The following RAB13 variants were observed in gnomAD, a reference collection of about 807,000 sequenced individuals.
RAB13 encodes the protein ras-related protein Rab-13.
Under a neutral mutation model 29.3 loss-of-function variants are expected in RAB13, and 15 were observed. The ratio of observed to expected loss-of-function variants is 0.51; its 90% CI spans 0.34 to 0.79. The LOEUF is 0.79. Among genes scored for constraint, RAB13 ranks in the 30% least tolerant of loss-of-function variants. RAB13 has a pLI of 0.01. For synonymous variants in RAB13, 82 were observed against 93.8 expected (o/e 0.87, Z 0.73); for missense variants, 186 against 255.5 (o/e 0.73, Z 1.85).
intron 5 of RAB13, 34 bp downstream of exon 5, chr1:153,982,685 C>A (rs1649025313): frequency 1.2e-6 from 2 of 1,613,384 alleles, no homozygotes; most frequent in Non-Finnish European, 1.7e-6. Flanking sequence ...CCCTCCCAGC[C>A]CAGTTCTAGA....
intron 2 of RAB13, among the ~76,000 whole-genome samples, chr1:153,984,108 C>T (rs1203047121): frequency 1.4e-5 from 2 of 138,262 alleles, no homozygotes; most frequent in African/African-American, 5.5e-5. Context: ...ACCCAGGAGG[C>T]GGAGGTTAAA....
At chr1:153,984,666 A>T (rs1649103098) in intron 2 of RAB13, 55 bp downstream of exon 2, 1 of 1,464,552 alleles carries the variant, frequency 6.8e-7, no homozygotes, top group African/African-American at 1.4e-5. Flanking sequence ...AGAAGGAAAA[A>T]CGTGTAGGAG....
chr1:153,990,390 A>G (rs562284355), upstream of RAB13, among the ~76,000 whole-genome samples: 12 of 152,332 alleles, frequency 7.9e-5, no homozygotes, highest in South Asian at 1.4e-3. Context: ...AAACCAATAG[A>G]AAAAGAGTTA....
rs1557891641 is a variant in RAB13, at chr1:153,982,438, T to G, written c.487A>C (p.Ser163Arg). 6.2e-7 allele frequency: 1 copy of G among 1,613,734 alleles called. No homozygotes were observed. The highest frequency in any genetic ancestry group is 2.2e-5 in the East Asian group (1 of 44,874). ...AGCAAGATGTCCCGGGCCAGGGAAC[T>G]AAAAGCCTAAAGTGGGGAACAGAGT... is the stretch of plus-strand genomic sequence containing the variant. ...KSSMNVDEAF[S>R]SLARDILLKS... The change falls in exon 7 of 8, where the codon AGT becomes CGT. Residue 163 changes from serine to arginine, a missense_variant. Ser to Arg is a moderately radical substitution (Grantham distance 110). Coordinates refer to ENST00000368575, the MANE Select transcript of RAB13 (RefSeq NM_002870.5).
At chr1:153,985,657 G>A (rs1452347181) in intron 1 of RAB13, among the ~76,000 whole-genome samples, 2 of 152,180 alleles carry the variant, frequency 1.3e-5, no homozygotes, top group African/African-American at 4.8e-5. Context: ...AGGGAACCTG[G>A]GAAGTAGATG....
chr1:153,987,996 A>AT (rs1265016359), upstream of RAB13, among the ~76,000 whole-genome samples: 2 of 151,454 alleles, frequency 1.3e-5, no homozygotes, highest in African/African-American at 2.4e-5. Flanking sequence ...TAATTAATTA[A>AT]TTTTTTTGAG....
rs762397229 is a variant in RAB13 at position 153,982,114 on chromosome 1, C to T, written c.597G>A (p.Lys199=). The T allele has an allele frequency of 3.1e-6, 5 of 1,613,806 alleles. No individual in the cohort carries two copies. Among genetic ancestry groups the T allele is most frequent in the Non-Finnish European group, 4.2e-6 (5 of 1,180,004 alleles). Residue 199 remains lysine, a synonymous_variant, in exon 8 of 8, where the codon AAG becomes AAA. Transcript: ENST00000368575. ...GAAAGGGTCCTCAGCCCAGGGAGCA[C>T]TTGTTGGTGTTCTTCTTGTCACAAG... is the stretch of plus-strand genomic sequence containing the variant. The part of the protein sequence containing the change: ...LKTCDKKNTN[K]CSLG
At chr1:153,987,774 C>T (rs1396302483), upstream of RAB13, among the ~76,000 whole-genome samples, 1 of 54,314 alleles carries the variant, frequency 1.8e-5, no homozygotes, top group Non-Finnish European at 3.4e-5. Context: ...ACTGCTTCGA[C>T]AAAAAAAAAA....
chr1:153,982,983 A>G (rs1649041412), intron 4 of RAB13, 175 bp from the exon 5 acceptor site: 1 of 735,598 alleles, frequency 1.4e-6, no homozygotes, highest in African/African-American at 1.8e-5. Context: ...AAATTAGCCG[A>G]GCATGGTGGT....
At position 153,982,371 on chromosome 1, in the gene RAB13, G is replaced by C. The variant is rs1230653167; in HGVS notation, c.534+20C>G. The C allele has an allele frequency of 6.2e-7, 1 of 1,602,556 alleles. No homozygotes were observed. The highest frequency in any genetic ancestry group is 8.5e-7 in the Non-Finnish European group (1 of 1,170,444). On this transcript the variant is annotated intron_variant, in intron 7 of 7. Transcript: ENST00000368575. The stretch of plus-strand genomic sequence containing the variant: ...CACACACACCCCAGAGTTGTACCTA[G>C]TCCAGCAAAACCAACTTACTGATCT...
In RAB13 at chr1:153,986,172, G is replaced by A. The variant is rs1228792446; in HGVS notation, c.65C>T (p.Thr22Ile). 7 of 1,613,918 alleles carry A rather than the reference G, an allele frequency of 4.3e-6. No homozygotes were observed. The highest frequency in any genetic ancestry group is 8.5e-7 in the Non-Finnish European group (1 of 1,179,936). The change falls in exon 1 of 8, where the codon ACT (threonine) becomes ATT (isoleucine). Residue 22 changes from threonine (T) to isoleucine (I), a missense_variant. Physicochemically the swap from Thr to Ile is moderately conservative, Grantham distance 89 (BLOSUM62 -1). Transcript: ENST00000368575. ...CTCTGCAAAGCGAATGATCAGACAA[G>A]TCTTGCCCACCCCCGAGTCCCCGAT... ...LLIGDSGVGK[T>I]CLIIRFAEDN...
intron 1 of RAB13, 25 bp downstream of exon 1, chr1:153,986,088 T>G: frequency 1.2e-6 from 2 of 1,611,974 alleles, no homozygotes; most frequent in Non-Finnish European, 1.7e-6. Flanking sequence ...AGAGTCGGGG[T>G]CTGGGACATG....
chr1:153,982,302 AACACACAC>A lies in RAB13; in HGVS notation c.534+81_534+88del, dbSNP rs56853500. ...ATTGCTCCCCGTTTTTATCAACACC[AACACACAC>A]ACACACACACACACACACACACACA... On this transcript the variant is annotated intron_variant, in intron 7 of 7. Coordinates refer to ENST00000368575, the MANE Select transcript of RAB13 (RefSeq NM_002870.5). 8.8e-4 allele frequency: 1,148 copies of A among 1,297,364 alleles called. 3 individuals are homozygous for A. The African/African-American group carries it at 0.011, about 12-fold the overall frequency. The allele number at this position is 1,297,364 out of a possible 1,614,324, so 80.4% of individuals were successfully genotyped here. A position where few individuals can be genotyped will look rare whatever the true frequency, so the allele number is the denominator to read the frequency against.
upstream of RAB13, among the ~76,000 whole-genome samples, chr1:153,987,418 A>G (rs1649203000): frequency 6.6e-6 from 1 of 151,050 alleles, no homozygotes; most frequent in Non-Finnish European, 1.5e-5. Flanking sequence ...TGGGAGGCTG[A>G]GGCAGGAGAA....
rs893782460 is a variant in RAB13, at chr1:153,982,926, G to A, written c.325-118C>T. Reference sequence around the variant, plus strand: ...TGGATCACCTGATGCAGGAGTTCAAGATCAGCCTGACCAACATGGAGAAAA... The same window carrying A: ...TGGATCACCTGATGCAGGAGTTCAAAATCAGCCTGACCAACATGGAGAAAA... On this transcript the variant is annotated intron_variant, in intron 4 of 7. Transcript: ENST00000368575. 3.0e-6 allele frequency: 3 copies of A among 991,834 alleles called. No homozygotes were observed. The African/African-American group carries it at 4.8e-5, about 16-fold the overall frequency. The allele number at this position is 991,834 out of a possible 1,614,324, so 61.4% of individuals were successfully genotyped here.
At position 153,982,194 on chromosome 1, in the gene RAB13, C is replaced by T. The variant is rs1347771766; in HGVS notation, c.535-18G>A. The T allele has an allele frequency of 6.2e-7, 1 of 1,608,180 alleles. No homozygotes were observed. Among genetic ancestry groups the T allele is most frequent in the Non-Finnish European group, 8.5e-7 (1 of 1,174,602 alleles). On this transcript the variant is annotated intron_variant, in intron 7 of 7. Transcript: ENST00000368575. ...CCGTTTCCCTAGAGGGAGAAGGGCA[C>T]AGGTGTCATGGTGTGAATGGATGGT...
rs201338105 is a variant in RAB13 at position 153,982,344 on chromosome 1, C to T, written c.534+47G>A. ...ACACACACACACACACATACATACA[C>T]ACACACACACCCCAGAGTTGTACCT... On this transcript the variant is annotated intron_variant, in intron 7 of 7. Transcript: ENST00000368575. The T allele has an allele frequency of 3.9e-4, 594 of 1,537,346 alleles. 5 individuals carry two copies. In the African/African-American group the frequency reaches 6.9e-3, roughly 18 times the overall value.
upstream of RAB13, among the ~76,000 whole-genome samples, chr1:153,990,406 A>T (rs1401083992): frequency 6.6e-6 from 1 of 152,218 alleles, no homozygotes; most frequent in African/African-American, 2.4e-5. Flanking sequence ...AGTTAAGAAT[A>T]TAGGTATTTA....
chr1:153,988,773 C>T (rs1281705623), upstream of RAB13, among the ~76,000 whole-genome samples: 3 of 148,984 alleles, frequency 2.0e-5, 1 homozygote, highest in Non-Finnish European at 4.5e-5. Context: ...GCACTACCCC[C>T]TGCTAATTTT....
Sources: allele counts gnomAD v4.1 joint callset (sites outside exome capture counted in the v4.1 genomes callset), GRCh38; gene constraint gnomAD v4.1.1; transcripts MANE v1.5; gene names NCBI Gene and HGNC (gene_info 2026-07-23, HGNC 2026-07-21).